MADD: variants seen among roughly 807,000 people sequenced by gnomAD.
The protein encoded by MADD is MAP kinase activating death domain, also known as MAP kinase-activating death domain protein.
In MADD, 109 loss-of-function variants were observed where a neutral mutation model predicts 176.7. That is an observed-to-expected ratio of 0.62 (90% confidence interval 0.53 to 0.72). MADD has a LOEUF of 0.72. Among genes scored for constraint, MADD ranks in the 30% least tolerant of loss-of-function variants. The pLI is 0.00. For missense variants in MADD, 1,914 were observed against 2,045.5 expected (o/e 0.94, Z 1.24); for synonymous variants, 771 against 771.3 (o/e 1.00, Z 0.01).
intron 3 of MADD, among the ~76,000 whole-genome samples, 159 bp from the exon 4 acceptor site, chr11:47,275,740 G>A (rs1335514129): frequency 6.6e-6 from 1 of 152,196 alleles, no homozygotes; most frequent in Non-Finnish European, 1.5e-5. Flanking sequence ...TTTTGCCATT[G>A]TATATACTTT....
intron 27 of MADD, among the ~76,000 whole-genome samples, chr11:47,321,063 G>T (rs987442510): frequency 1.3e-5 from 2 of 152,172 alleles, no homozygotes; most frequent in Admixed American, 1.3e-4. Context: ...AATTTCGGTA[G>T]ATTTTGCCAA....
intron 10 of MADD, 97 bp downstream of exon 10, chr11:47,283,066 A>G (rs993714395): frequency 7.1e-6 from 7 of 987,180 alleles, no homozygotes; most frequent in African/African-American, 1.7e-5. Context: ...TAGGCTTCCC[A>G]TATCAGTGTT....
rs2064279889 is a variant in MADD, at chr11:47,290,546, C to A, written c.3095-64C>A. 6.0e-6 allele frequency: 9 copies of A among 1,511,710 alleles called. No individual in the cohort carries two copies. In the Admixed American group the frequency reaches 1.4e-4, roughly 24 times the overall value. 93.6% of individuals were successfully genotyped at this position (1,511,710 alleles called of 1,614,324 possible). A position where few individuals can be genotyped will look rare whatever the true frequency, so the allele number is the denominator to read the frequency against. On this transcript the variant is annotated intron_variant, in intron 18 of 32. Coordinates refer to ENST00000402192, the Ensembl canonical transcript of MADD. ...CCCTCCTGTATCCTGGCTCCTCCCA[C>A]CTCATATCTGCGCCTTGATTCCTAC...
exon 8 of MADD, chr11:47,281,742 T>G (rs747690990): frequency 6.2e-7 from 1 of 1,603,836 alleles, no homozygotes; most frequent in South Asian, 1.1e-5. Context: ...ATTCTGTGGA[T>G]GTTGCAACCA....
At chr11:47,312,405 C>T (rs1332661912) in intron 26 of MADD, among the ~76,000 whole-genome samples, 1 of 152,032 alleles carries the variant, frequency 6.6e-6, no homozygotes, top group African/African-American at 2.4e-5. Context: ...TGTGCCCGCC[C>T]ACCCAGCTAA....
At chr11:47,290,323 C>T in intron 18 of MADD, 24 bp downstream of exon 19, 3 of 1,607,862 alleles carry the variant, frequency 1.9e-6, no homozygotes, top group Middle Eastern at 1.7e-4. Flanking sequence ...TTGCTGGGCA[C>T]CACGCCATCC....
intron 30 of MADD, 32 bp from the exon 34 acceptor site, chr11:47,326,512 C>T (rs1595647320): frequency 7.4e-7 from 1 of 1,360,468 alleles, no homozygotes; most frequent in Non-Finnish European, 9.5e-7. Flanking sequence ...CTAACGCCTT[C>T]ATTTCTCTCC....
rs530219896 is a variant in MADD, at chr11:47,273,252, G to C, written c.-88-575G>C. Among the ~76,000 whole-genome samples the C allele has an allele frequency of 1.6e-4, 24 of 152,272 alleles. 1 individual carries two copies. In the East Asian group the frequency reaches 4.0e-3, roughly 26 times the overall value. ...GACTGAGTCCAGATTAGATGGCCTAGGTCTGTTTTTCAGAAACAGAGCCCC... is the reference window on the plus strand; with the variant it reads ...GACTGAGTCCAGATTAGATGGCCTACGTCTGTTTTTCAGAAACAGAGCCCC... On this transcript the variant is annotated intron_variant, in intron 1 of 32. Coordinates refer to ENST00000402192, the Ensembl canonical transcript of MADD.
exon 23 of MADD, chr11:47,308,635 A>C: frequency 1.2e-6 from 2 of 1,614,110 alleles, no homozygotes; most frequent in Non-Finnish European, 1.7e-6. Flanking sequence ...AGAAGCTGGC[A>C]GGCAGCCCCA....
At chr11:47,295,928 C>T (rs774340927) in exon 22 of MADD, 3 of 1,614,060 alleles carry the variant, frequency 1.9e-6, no homozygotes, top group Non-Finnish European at 2.5e-6. Context: ...ACCCTTGGAG[C>T]TGACAGTGAC....
chr11:47,329,270 C>G, exon 33 of MADD: 2 of 777,744 alleles, frequency 2.6e-6, no homozygotes, highest in Non-Finnish European at 4.5e-6. Flanking sequence ...TCTGCAAGCC[C>G]CCTGCTGTGG....
intron 26 of MADD, among the ~76,000 whole-genome samples, chr11:47,314,738 A>C (rs1179098290): frequency 6.6e-6 from 1 of 152,196 alleles, no homozygotes; most frequent in African/African-American, 2.4e-5. Flanking sequence ...AGTTTTTTTC[A>C]TATACCTCAA....
chr11:47,288,701 T>C (rs2062759176), intron 15 of MADD, among the ~76,000 whole-genome samples: 1 of 152,174 alleles, frequency 6.6e-6, no homozygotes, highest in Admixed American at 6.5e-5. Context: ...CCCTGTTTCA[T>C]GCATGTGTGT....
chr11:47,291,433 CTGT>C (rs1319353082), intron 19 of MADD, among the ~76,000 whole-genome samples: 1 of 152,176 alleles, frequency 6.6e-6, no homozygotes, highest in Non-Finnish European at 1.5e-5. Context: ...GGCATCACCT[CTGT>C]TTGGCTCACT....
Position 47,309,626 on chromosome 11 carries a change from T to G in MADD, c.3978+14T>G. The G allele has an allele frequency of 6.2e-7, 1 of 1,602,022 alleles. No individual in the cohort carries two copies. ...CTGCTGATGAAGGTAATGTCAATTT[T>G]GCTGTGTCCAGCTCCGCTGATCCTA... On this transcript the variant is annotated intron_variant, in intron 25 of 32. Transcript: ENST00000402192.
intron 25 of MADD, among the ~76,000 whole-genome samples, chr11:47,310,034 G>T (rs1385416282): frequency 6.6e-6 from 1 of 151,756 alleles, no homozygotes; most frequent in Non-Finnish European, 1.5e-5. Context: ...TAGAGACAGG[G>T]TTTCACCATG....
intron 22 of MADD, among the ~76,000 whole-genome samples, chr11:47,306,172 C>T (rs1399255225): frequency 6.6e-6 from 1 of 152,132 alleles, no homozygotes; most frequent in Non-Finnish European, 1.5e-5. Flanking sequence ...GCTTCAGCTG[C>T]AGCCCAAGGG....
chr11:47,308,607 T>C, exon 23 of MADD: 1 of 1,613,904 alleles, frequency 6.2e-7, no homozygotes, highest in East Asian at 2.2e-5. Flanking sequence ...GCCCACAGCT[T>C]GAAGCCAAGC....
At chr11:47,274,642 C>G in exon 3 of MADD, 1 of 1,614,220 alleles carries the variant, frequency 6.2e-7, no homozygotes, top group South Asian at 1.1e-5. Context: ...TGAGTTTCCC[C>G]TGCCCCCAGA....
Sources: allele counts gnomAD v4.1 joint callset (sites outside exome capture counted in the v4.1 genomes callset), GRCh38; gene constraint gnomAD v4.1.1; transcripts MANE v1.5; gene names NCBI Gene and HGNC (gene_info 2026-07-23, HGNC 2026-07-21).